The following CNOT3 variants were observed in gnomAD, a reference collection of about 807,000 sequenced individuals.
The protein encoded by CNOT3 is CCR4-associated factor 3.
In CNOT3, 2 loss-of-function variants were observed where a neutral mutation model predicts 89.4. The observed-to-expected ratio is 0.02, with a 90% CI of 0.01 to 0.07. The LOEUF is 0.07. CNOT3 is among the 10% of genes least tolerant of loss of function. The pLI, the probability that CNOT3 is intolerant of heterozygous loss-of-function variation, is 1.00. For synonymous variants in CNOT3, 486 were observed against 402.0 expected (o/e 1.21, Z -2.50); for missense variants, 664 against 1,010.2 (o/e 0.66, Z 4.65).
At chr19:54,149,475 C>T (rs1600468904) in intron 12 of CNOT3, 85 bp from the exon 13 acceptor site, 1 of 789,980 alleles carries the variant, frequency 1.3e-6, no homozygotes, top group East Asian at 2.7e-5. Flanking sequence ...TCTGTGCAGT[C>T]TCCCCTCTCT....
intron 13 of CNOT3, among the ~76,000 whole-genome samples, chr19:54,151,947 G>C (rs145943472): frequency 6.5e-4 from 99 of 152,318 alleles, no homozygotes; most frequent in East Asian, 5.0e-3. Flanking sequence ...GTTTACTTCT[G>C]TAGTATGTCA....
At chr19:54,151,670 A>G in intron 13 of CNOT3, among the ~76,000 whole-genome samples, 1 of 152,174 alleles carries the variant, frequency 6.6e-6, no homozygotes, top group East Asian at 1.9e-4. Flanking sequence ...AACCTTTGTA[A>G]TAGGAAACGA....
chr19:54,155,184 C>A, intron 17 of CNOT3, 125 bp from the exon 18 acceptor site: 3 of 1,078,704 alleles, frequency 2.8e-6, no homozygotes, highest in South Asian at 1.5e-5. Flanking sequence ...TGTGTGCGTG[C>A]AGGGCAGCTG....
At chr19:54,152,758 C>T (rs1392199976) in intron 15 of CNOT3, 109 bp from the exon 16 acceptor site, 2 of 889,620 alleles carry the variant, frequency 2.2e-6, no homozygotes, top group Non-Finnish European at 3.7e-6. Context: ...CAGCACCGCC[C>T]TGGGTCTTTC....
At chr19:54,149,478 C>T in intron 12 of CNOT3, 82 bp from the exon 13 acceptor site, 1 of 818,370 alleles carries the variant, frequency 1.2e-6, no homozygotes, top group Non-Finnish European at 1.9e-6. Flanking sequence ...GTGCAGTCTC[C>T]CCTCTCTCCA....
chr19:54,153,301 C>A (rs747679967), intron 16 of CNOT3: 3 of 761,902 alleles, frequency 3.9e-6, no homozygotes, highest in Non-Finnish European at 4.8e-6. Flanking sequence ...GCTCCAGCAG[C>A]CCCAGTCTAG....
chr19:54,153,281 C>G (rs1344039590), intron 16 of CNOT3: 1 of 762,316 alleles, frequency 1.3e-6, no homozygotes, highest in Admixed American at 1.7e-5. Context: ...CGCGGCCCCT[C>G]CCCAGCCCTG....
At chr19:54,149,062 A>T (rs147207985) in intron 12 of CNOT3, among the ~76,000 whole-genome samples, 138 of 152,312 alleles carry the variant, frequency 9.1e-4, no homozygotes, top group Middle Eastern at 6.8e-3. Flanking sequence ...CCGGAGGGTC[A>T]CTGTTTCACT....
chr19:54,154,177 C>G (rs1252092070), intron 17 of CNOT3: 3 of 501,398 alleles, frequency 6.0e-6, no homozygotes, highest in Non-Finnish European at 1.2e-5. Flanking sequence ...GTCCCTGCAC[C>G]AGGCTGTGGG....
chr19:54,139,408 C>G (rs1205324455), intron 1 of CNOT3, among the ~76,000 whole-genome samples: 1 of 152,140 alleles, frequency 6.6e-6, no homozygotes, highest in East Asian at 1.9e-4. Flanking sequence ...GTTTCGCCTT[C>G]TGGCCCCGCT....
At position 54,148,124 on chromosome 19, in the gene CNOT3, C is replaced by A; in HGVS notation, c.895-24C>A. The A allele has an allele frequency of 6.9e-7, 1 of 1,451,064 alleles. No individual in the cohort carries two copies. Among genetic ancestry groups the A allele is most frequent in the Non-Finnish European group, 9.1e-7 (1 of 1,099,424 alleles). The allele number at this position is 1,451,064 out of a possible 1,614,324, so 89.9% of individuals were successfully genotyped here. A position where few individuals can be genotyped will look rare whatever the true frequency, so the allele number is the denominator to read the frequency against. ...GACCAGCTGGCCCACTGGGTCCTGA[C>A]CCTCTGCTCTCTCCCACCCGCAGTC... is the stretch of plus-strand genomic sequence containing the variant. On this transcript the variant is annotated intron_variant, in intron 10 of 17. Coordinates refer to ENST00000221232, the MANE Select transcript of CNOT3 (RefSeq NM_014516.4). This position sits in a 1 kb window ranked among gnomAD's most constrained non-coding sequence, Gnocchi z 6.3.
In CNOT3 at chr19:54,152,896, C is replaced by T. The variant is rs1438728455; in HGVS notation, c.1934C>T (p.Thr645Met). The T allele has an allele frequency of 5.2e-6, 8 of 1,543,948 alleles. No individual in the cohort carries two copies. The highest frequency in any genetic ancestry group is 1.2e-5 in the South Asian group (1 of 83,998). The change falls in exon 16 of 18, where the codon ACG becomes ATG. Residue 645 changes from threonine to methionine, a missense_variant. By Grantham distance (81) the Thr-to-Met change is moderately conservative. Around this residue, in one of 8 missense-constraint regions of CNOT3, gnomAD observed 545 missense variants for 566.2 expected, o/e 0.96. Transcript: ENST00000221232. ...RQYLPRNPCP[T>M]PPYHHQMPPP... Reference sequence around the variant, plus strand: ...TACCTCCCCCGGAACCCCTGTCCGACGCCCCCCTACCACCACCAGATGCCA... The same window carrying T: ...TACCTCCCCCGGAACCCCTGTCCGATGCCCCCCTACCACCACCAGATGCCA...
chr19:54,147,642 C>T (rs1367865288), intron 10 of CNOT3, among the ~76,000 whole-genome samples: 1 of 152,194 alleles, frequency 6.6e-6, no homozygotes, highest in Non-Finnish European at 1.5e-5. Context: ...ACCATGAGCA[C>T]ATTTACCCTC....
At chr19:54,151,833 C>T (rs587744705) in intron 13 of CNOT3, among the ~76,000 whole-genome samples, 14 of 152,342 alleles carry the variant, frequency 9.2e-5, no homozygotes, top group African/African-American at 9.6e-5. Context: ...TCAAGACAGG[C>T]GGGAGCTCTC....
chr19:54,140,132 A>C (rs1456239273), intron 1 of CNOT3, among the ~76,000 whole-genome samples: 1 of 151,724 alleles, frequency 6.6e-6, no homozygotes, highest in Non-Finnish European at 1.5e-5. Flanking sequence ...TCCCTCCTCG[A>C]GTCTTTGTGT....
chr19:54,140,794 T>C (rs1305101052), intron 1 of CNOT3, among the ~76,000 whole-genome samples: 2 of 152,128 alleles, frequency 1.3e-5, no homozygotes, highest in Non-Finnish European at 2.9e-5. Context: ...TTGTGACCCC[T>C]CCAGGACTTC....
intron 5 of CNOT3, 103 bp from the exon 6 acceptor site, chr19:54,143,903 C>T (rs2074554689): frequency 1.3e-6 from 2 of 1,525,122 alleles, no homozygotes; most frequent in South Asian, 2.5e-5. Context: ...GGACTCAGAG[C>T]TCAGAAAGTA....
At chr19:54,149,956 C>T (rs2074974170) in intron 13 of CNOT3, among the ~76,000 whole-genome samples, 198 bp downstream of exon 13, 1 of 152,094 alleles carries the variant, frequency 6.6e-6, no homozygotes, top group Admixed American at 6.5e-5. Flanking sequence ...GGCTCTCATA[C>T]CTCCTCTCTT....
intron 17 of CNOT3, 165 bp downstream of exon 17, chr19:54,154,005 C>T (rs763993618): frequency 1.2e-6 from 1 of 865,962 alleles, no homozygotes; most frequent in Admixed American, 2.0e-5. Context: ...CAGCCTGGAA[C>T]ACCGCCCTCT....
Sources: gnomAD v4.1 joint callset for allele counts (sites outside exome capture counted in the v4.1 genomes callset) on GRCh38, gnomAD v4.1.1 for gene constraint, gnomAD v4.1.1 regional missense constraint, Gnocchi (gnomAD v3.1) non-coding constraint, MANE v1.5 for transcripts, NCBI Gene and HGNC (gene_info 2026-07-23, HGNC 2026-07-21) for gene names.